The following DGKB variants were observed in gnomAD, a reference collection of about 807,000 sequenced individuals.
The protein encoded by DGKB is 90 kDa diacylglycerol kinase.
In DGKB, 67 loss-of-function variants were observed where a neutral mutation model predicts 114.3. That is an observed-to-expected ratio of 0.59 (90% CI 0.48 to 0.72). The LOEUF (loss-of-function observed/expected upper bound fraction) is 0.72. Among genes scored for constraint, DGKB ranks in the 30% least tolerant of loss-of-function variants. The pLI is 0.00. For missense variants in DGKB, 907 were observed against 975.2 expected, an observed-to-expected ratio of 0.93 and a Z score of 0.93; for synonymous variants, 398 against 323.1, an observed-to-expected ratio of 1.23 and a Z score of -2.49.
chr7:14,799,868 G>A (rs1001550675), intron 2 of DGKB, among the ~76,000 whole-genome samples: 6 of 152,128 alleles, frequency 3.9e-5, no homozygotes, highest in East Asian at 3.9e-4. Context: ...GAAGCACAGT[G>A]TGGACTTTTA....
intron 20 of DGKB, among the ~76,000 whole-genome samples, chr7:14,547,621 A>C (rs1794490699): frequency 6.6e-6 from 1 of 152,120 alleles, no homozygotes; most frequent in South Asian, 2.1e-4. Context: ...TCAGGAATAC[A>C]CTCTCATTTA....
intron 2 of DGKB, among the ~76,000 whole-genome samples, chr7:14,768,389 A>G (rs777172284): frequency 2.0e-5 from 3 of 151,912 alleles, no homozygotes; most frequent in Admixed American, 6.6e-5. Context: ...TTCTCTTTCT[A>G]ATACTTCAAA....
intron 1 of DGKB, among the ~76,000 whole-genome samples, chr7:14,958,521 C>G (rs975373220): frequency 6.7e-6 from 1 of 148,490 alleles, no homozygotes; most frequent in Non-Finnish European, 1.5e-5. Flanking sequence ...AAAGAAGAAG[C>G]CTAAGCTTCG....
chr7:14,333,605 C>T (rs112154544), intron 23 of DGKB, among the ~76,000 whole-genome samples: 2 of 151,816 alleles, frequency 1.3e-5, no homozygotes, highest in African/African-American at 4.8e-5. Context: ...CTGATACAGA[C>T]ATATATATAT....
chr7:14,493,291 C>T (rs1784841150), intron 20 of DGKB, among the ~76,000 whole-genome samples: 1 of 152,010 alleles, frequency 6.6e-6, no homozygotes. Flanking sequence ...CCTGAAACTG[C>T]AGATAGTACA....
rs181609771 is a variant in DGKB, at chr7:14,294,666, C to T, written c.2122+43849G>A. On this transcript the variant is annotated intron_variant, in intron 23 of 25. Coordinates refer to ENST00000402815, the MANE Select transcript of DGKB (RefSeq NM_001350709.2). ...GTAATTAACCAAATATAGACTTTAG[C>T]TTTCTTTTCTTTTTATAGAACTTCC... Among the ~76,000 whole-genome samples, 8 of 152,260 alleles carry T rather than the reference C, an allele frequency of 5.3e-5. No homozygotes were observed. The East Asian group carries it at 1.5e-3, about 29-fold the overall frequency.
chr7:14,303,127 C>T (rs536851862), intron 23 of DGKB, among the ~76,000 whole-genome samples: 13 of 152,220 alleles, frequency 8.5e-5, no homozygotes, highest in African/African-American at 2.9e-4. Flanking sequence ...TTCAAAATGA[C>T]GTCTTTTTAT....
chr7:14,562,488 C>T (rs1796810082), intron 20 of DGKB, among the ~76,000 whole-genome samples: 2 of 152,148 alleles, frequency 1.3e-5, no homozygotes, highest in Admixed American at 1.3e-4. Flanking sequence ...CAATGCCAGC[C>T]TGTGAAAGCA....
chr7:14,729,133 T>TG (rs1554624766), intron 5 of DGKB, among the ~76,000 whole-genome samples: 1 of 146,788 alleles, frequency 6.8e-6, no homozygotes, highest in African/African-American at 2.6e-5. Context: ...CTTTTTTTTT[T>TG]TTTTTTTTTG....
At chr7:14,302,360 C>A (rs1050059560) in intron 23 of DGKB, among the ~76,000 whole-genome samples, 3 of 151,934 alleles carry the variant, frequency 2.0e-5, no homozygotes, top group African/African-American at 7.3e-5. Flanking sequence ...GATAAATCAG[C>A]AAGTGTATAT....
intron 7 of DGKB, among the ~76,000 whole-genome samples, chr7:14,701,276 C>A (rs775560793): frequency 6.6e-6 from 1 of 152,148 alleles, no homozygotes; most frequent in Non-Finnish European, 1.5e-5. Flanking sequence ...GATAATTAAA[C>A]TGACTTTATA....
At chr7:14,712,369 A>C (rs1220103531) in intron 6 of DGKB, among the ~76,000 whole-genome samples, 1 of 152,238 alleles carries the variant, frequency 6.6e-6, no homozygotes, top group Non-Finnish European at 1.5e-5. Context: ...CAAATGAAGA[A>C]CGCAAGTTTA....
Position 14,745,961 on chromosome 7 carries a change from A to T in DGKB, c.168+7967T>A, listed in dbSNP as rs202191293. 7.9e-5 allele frequency among the ~76,000 whole-genome samples: 12 copies of T among 152,182 alleles called. No homozygotes were observed. The East Asian group carries it at 2.1e-3, about 27-fold the overall frequency. ...CAGGAAAACTTTCTGAAATTTCTAA[A>T]GTATAGTTCTCTCTGGCTCAGCAAG... On this transcript the variant is annotated intron_variant, in intron 4 of 25. Transcript: ENST00000402815.
At chr7:14,533,732 C>T (rs1215824585) in intron 20 of DGKB, among the ~76,000 whole-genome samples, 1 of 151,930 alleles carries the variant, frequency 6.6e-6, no homozygotes, top group Non-Finnish European at 1.5e-5. Context: ...GATTTCTCAG[C>T]AGAAATGTTT....
intron 23 of DGKB, among the ~76,000 whole-genome samples, chr7:14,304,076 C>CAT (rs1804028816): frequency 1.1e-5 from 1 of 88,182 alleles, no homozygotes; most frequent in Admixed American, 1.2e-4. Context: ...CACACACACA[C>CAT]ACACACACAC....
At chr7:14,397,793 A>G (rs1822477305) in intron 21 of DGKB, among the ~76,000 whole-genome samples, 1 of 152,118 alleles carries the variant, frequency 6.6e-6, no homozygotes, top group East Asian at 1.9e-4. Context: ...AGGTAATTTA[A>G]GCATTTTTCA....
At chr7:14,884,232 T>C (rs1432859739) in intron 1 of DGKB, among the ~76,000 whole-genome samples, 1 of 152,018 alleles carries the variant, frequency 6.6e-6, no homozygotes, top group Non-Finnish European at 1.5e-5. Flanking sequence ...CAGACCCTTG[T>C]TCTAGGCAAC....
At chr7:14,531,893 G>A (rs1021443239) in intron 20 of DGKB, among the ~76,000 whole-genome samples, 5 of 151,114 alleles carry the variant, frequency 3.3e-5, no homozygotes, top group Non-Finnish European at 7.4e-5. Flanking sequence ...ATAGATTTTT[G>A]AGAAGGGCAT....
chr7:14,955,656 A>G (rs1210956712), intron 1 of DGKB, among the ~76,000 whole-genome samples: 3 of 152,086 alleles, frequency 2.0e-5, no homozygotes, highest in Admixed American at 1.3e-4. Context: ...CTGAAAGAAT[A>G]GAAAGAAATG....
Sources: gnomAD v4.1 joint callset for allele counts (sites outside exome capture counted in the v4.1 genomes callset) on GRCh38, gnomAD v4.1.1 for gene constraint, MANE v1.5 for transcripts, NCBI Gene and HGNC (gene_info 2026-07-23, HGNC 2026-07-21) for gene names.